NOX5: variants seen among roughly 807,000 people sequenced by gnomAD.
NOX5 encodes the protein NADPH oxidase, EF-hand calcium binding domain 5.
Under a neutral mutation model 85.7 loss-of-function variants are expected in NOX5, and 76 were observed. That is an observed-to-expected ratio of 0.89 (90% CI 0.74 to 1.07). The LOEUF (loss-of-function observed/expected upper bound fraction) is 1.07, where lower values mean the gene tolerates loss of function less well. Ranked by LOEUF, NOX5 falls within the 50% of genes least tolerant of loss-of-function variation. The pLI is 0.00. For missense variants in NOX5, 973 were observed against 999.5 expected (o/e 0.97, Z 0.36); for synonymous variants, 405 against 401.4 (o/e 1.01, Z -0.11).
chr15:69,046,909 C>T lies in NOX5; in HGVS notation c.1692+43C>T, dbSNP rs769668520. ...TGGACGTGAGCAATAATGCCTGCCCCAACCAAAGGAAATGAAGTCTTTGCC... is the reference window on the plus strand; with the variant it reads ...TGGACGTGAGCAATAATGCCTGCCCTAACCAAAGGAAATGAAGTCTTTGCC... On this transcript the variant is annotated intron_variant, in intron 11 of 15. Transcript: ENST00000388866. 2.5e-6 allele frequency: 4 copies of T among 1,599,618 alleles called. No homozygotes were observed. The African/African-American group carries it at 4.0e-5, about 16-fold the overall frequency.
chr15:69,042,279 A>G (rs1043785943), intron 9 of NOX5, among the ~76,000 whole-genome samples: 2 of 152,164 alleles, frequency 1.3e-5, no homozygotes, highest in Non-Finnish European at 2.9e-5. Context: ...AGTTGGTACC[A>G]CCATGGACTG....
rs1398748102 is a variant in NOX5 at position 69,061,793 on chromosome 15, T to C, written c.*5097T>C. On this transcript the variant is annotated 3_prime_UTR_variant, in exon 16 of 16. Coordinates refer to ENST00000388866, the MANE Select transcript of NOX5 (RefSeq NM_024505.4). ...GCCCTCTTAAACTACCCTAGCTGTG[T>C]GAGTGTAGCCTGCTGGAGAAACAAA... The C allele has an allele frequency of 6.6e-6, 1 of 151,868 alleles. No individual in the cohort carries two copies. Among genetic ancestry groups the C allele is most frequent in the African/African-American group, 2.4e-5 (1 of 41,388 alleles). The allele number at this position is 151,868 out of a possible 1,614,324, so 9.4% of individuals were successfully genotyped here.
chr15:69,047,685 C>A (rs1035611885), intron 12 of NOX5, 145 bp from the exon 13 acceptor site: 2 of 1,333,342 alleles, frequency 1.5e-6, no homozygotes, highest in South Asian at 1.4e-5. Flanking sequence ...CTCTGCCCCC[C>A]TCTCCTTTTT....
intron 9 of NOX5, 22 bp downstream of exon 9, chr15:69,039,011 C>T (rs1014139488): frequency 6.2e-7 from 1 of 1,613,398 alleles, no homozygotes; most frequent in African/African-American, 1.3e-5. Flanking sequence ...CTCCTCCAGT[C>T]ACTCTGCACA....
At chr15:69,037,621 G>A (rs1331665054) in intron 8 of NOX5, 1 of 159,040 alleles carries the variant, frequency 6.3e-6, no homozygotes, top group Non-Finnish European at 1.4e-5. Context: ...CTTTGTCTTT[G>A]GGAGGTCAGA....
rs2050780200 is a variant in NOX5 at position 69,054,000 on chromosome 15, C to T, written c.2000-1334C>T. Among the ~76,000 whole-genome samples, 4 of 152,150 alleles carry T rather than the reference C, an allele frequency of 2.6e-5. No individual in the cohort carries two copies. In the South Asian group the frequency reaches 8.3e-4, roughly 32 times the overall value. ...CAAATGAAAAATGAGCTGATGGTGA[C>T]TTAGGAAACAATAGAGAGCAGGTTG... On this transcript the variant is annotated intron_variant, in intron 14 of 15. Coordinates refer to ENST00000388866, the MANE Select transcript of NOX5 (RefSeq NM_024505.4).
At chr15:69,036,886 A>G in intron 7 of NOX5, 142 bp from the exon 8 acceptor site, 1 of 688,008 alleles carries the variant, frequency 1.5e-6, no homozygotes, top group Non-Finnish European at 2.5e-6. Context: ...TCCCAGCCCC[A>G]ACATCTTACC....
intron 10 of NOX5, among the ~76,000 whole-genome samples, chr15:69,045,576 T>TCTTCC (rs1555437249): frequency 4.2e-4 from 54 of 129,146 alleles, no homozygotes; most frequent in African/African-American, 1.2e-3. Context: ...TTCTTCCCTT[T>TCTTCC]CTTTCTTTTC....
chr15:69,015,487 G>A, intron 1 of NOX5, among the ~76,000 whole-genome samples: 1 of 152,134 alleles, frequency 6.6e-6, no homozygotes. Context: ...GCCTTCCCGA[G>A]GGTCCCGAGA....
In NOX5 at chr15:69,042,765, C is replaced by A; in HGVS notation, c.1607C>A (p.Ser536Ter). ...DPLGRGSKRL[S>*]RSVTMRKSQR... ...CTGGGCCGTGGTTCTAAGAGGCTGTCGAGGAGTGTGACAATGAGAAAGAGT... is the reference window on the plus strand; with the variant it reads ...CTGGGCCGTGGTTCTAAGAGGCTGTAGAGGAGTGTGACAATGAGAAAGAGT... The change falls in exon 10 of 16, where the codon TCG (serine) becomes TAG (stop). Residue 536 changes from serine to a stop codon, truncating the protein, a stop_gained. Transcript: ENST00000388866. LOFTEE classifies it high-confidence loss of function. The A allele has an allele frequency of 3.1e-6, 5 of 1,614,062 alleles. No individual in the cohort carries two copies. Among genetic ancestry groups the A allele is most frequent in the Non-Finnish European group, 4.2e-6 (5 of 1,180,014 alleles).
At chr15:69,028,670 T>C (rs189926657) in intron 3 of NOX5, 1 of 218,908 alleles carries the variant, frequency 4.6e-6, no homozygotes, top group Admixed American at 5.5e-5. Context: ...ATCTTTTCTA[T>C]GTCTGAAAAA....
chr15:69,033,070 C>T lies in NOX5; in HGVS notation c.648C>T (p.Ala216=), dbSNP rs2050460428. The change falls in exon 5 of 16, where the codon GCC becomes GCT. Residue 216 remains alanine (A), a synonymous_variant. Coordinates refer to ENST00000388866, the MANE Select transcript of NOX5 (RefSeq NM_024505.4). The part of the protein sequence containing the change: ...ISAAHWLTAP[A]PRPRPRRPRQ... ...CTGCCCACTGGCTGACGGCCCCCGC[C>T]CCCCGCCCACGCCCGCGCCGGCCGC... 5 of 1,556,914 alleles carry T rather than the reference C, an allele frequency of 3.2e-6. No homozygotes were observed. Among genetic ancestry groups the T allele is most frequent in the Non-Finnish European group, 4.3e-6 (5 of 1,163,760 alleles).
rs1595772866 is a variant in NOX5 at position 69,028,521 on chromosome 15, T to C, written c.325+156T>C. The C allele has an allele frequency of 1.8e-5, 10 of 569,930 alleles. No individual in the cohort carries two copies. The South Asian group carries it at 2.6e-4, about 15-fold the overall frequency. 35.3% of individuals were successfully genotyped at this position (569,930 alleles called of 1,614,324 possible). A position where few individuals can be genotyped will look rare whatever the true frequency, so the allele number is the denominator to read the frequency against. On this transcript the variant is annotated intron_variant, in intron 3 of 15. Coordinates refer to ENST00000388866, the MANE Select transcript of NOX5 (RefSeq NM_024505.4). Reference sequence around the variant, plus strand: ...CAGGTGAGGCTGACACTTCCTTTCCTCACATCTCTCTCCCAGTCCCCAGTC... The same window carrying C: ...CAGGTGAGGCTGACACTTCCTTTCCCCACATCTCTCTCCCAGTCCCCAGTC...
At chr15:69,028,017 C>G (rs576823151) in intron 2 of NOX5, among the ~76,000 whole-genome samples, 198 bp from the exon 3 acceptor site, 1 of 152,306 alleles carries the variant, frequency 6.6e-6, no homozygotes, top group South Asian at 2.1e-4. Context: ...CCAAGCCCAT[C>G]CTTACTGCAG....
intron 1 of NOX5, among the ~76,000 whole-genome samples, chr15:69,015,419 C>G (rs1013709404): frequency 6.6e-6 from 1 of 152,202 alleles, no homozygotes; most frequent in Non-Finnish European, 1.5e-5. Flanking sequence ...TCCCTGCCTT[C>G]CCTGCGTTAG....
At chr15:69,023,920 GT>G in intron 1 of NOX5, 1 of 192,452 alleles carries the variant, frequency 5.2e-6, no homozygotes. Flanking sequence ...CATCTTGGCT[GT>G]TATGGTTTAA....
rs1434151466 is a variant in NOX5 at position 69,046,837 on chromosome 15, T to C, written c.1663T>C (p.Leu555=). 2.5e-6 allele frequency: 4 copies of C among 1,613,776 alleles called. No homozygotes were observed. The highest frequency in any genetic ancestry group is 2.5e-6 in the Non-Finnish European group (3 of 1,179,758). ...QRSSKGSEIL[L]EKHKFCNIKC... ...CTCCCTGCAGGGCTCTGAGATACTT[T>C]TGGAGAAACACAAATTCTGTAACAT... Residue 555 remains leucine, a synonymous_variant, in exon 11 of 16, where the codon TTG becomes CTG. Transcript: ENST00000388866.
intron 3 of NOX5, chr15:69,028,568 C>G (rs553714885): frequency 1.6e-3 from 657 of 401,248 alleles, no homozygotes; most frequent in Non-Finnish European, 2.2e-3. Flanking sequence ...TCCCTGCCCC[C>G]CTTTCTGGGG....
At chr15:69,050,063 C>A (rs568596266) in intron 14 of NOX5, among the ~76,000 whole-genome samples, 1 of 152,320 alleles carries the variant, frequency 6.6e-6, no homozygotes, top group African/African-American at 2.4e-5. Flanking sequence ...CAGAATTTTA[C>A]ATAAATGGAA....
Sources: gnomAD v4.1 joint callset for allele counts (sites outside exome capture counted in the v4.1 genomes callset) on GRCh38, gnomAD v4.1.1 for gene constraint, MANE v1.5 for transcripts, NCBI Gene and HGNC (gene_info 2026-07-23, HGNC 2026-07-21) for gene names.